The following TBRG4 variants were observed in gnomAD, a reference collection of about 807,000 sequenced individuals.
TBRG4 encodes the protein FAST kinase domain-containing protein 4.
Under a neutral mutation model 65.6 loss-of-function variants are expected in TBRG4, and 43 were observed. The ratio of observed to expected loss-of-function variants is 0.66; its 90% CI spans 0.51 to 0.85. The LOEUF (loss-of-function observed/expected upper bound fraction) is 0.85, where lower values mean the gene tolerates loss of function less well. Among genes scored for constraint, TBRG4 ranks in the 40% least tolerant of loss-of-function variants. The probability of loss-of-function intolerance (pLI) is 0.00; values close to 1 mark genes in which losing one functional copy is unlikely to be tolerated. For missense variants in TBRG4, 709 were observed against 787.9 expected, an observed-to-expected ratio of 0.90 and a Z score of 1.20; for synonymous variants, 366 against 341.4, an observed-to-expected ratio of 1.07 and a Z score of -0.79.
chr7:45,111,075 A>C (rs1373866231), intron 1 of TBRG4, among the ~76,000 whole-genome samples: 1 of 152,112 alleles, frequency 6.6e-6, no homozygotes, highest in Non-Finnish European at 1.5e-5. Context: ...TCCCGGATTC[A>C]AGCGATTCTC....
At chr7:45,103,922 C>T in intron 5 of TBRG4, 177 bp downstream of exon 5, 2 of 873,682 alleles carry the variant, frequency 2.3e-6, no homozygotes. Context: ...AGTTCTCAAA[C>T]ACTTTTTTGA....
chr7:45,105,805 T>C, intron 2 of TBRG4, 41 bp from the exon 3 acceptor site: 1 of 1,571,620 alleles, frequency 6.4e-7, no homozygotes, highest in East Asian at 2.3e-5. Flanking sequence ...TGTGGCACTG[T>C]CAGTCCTGTG....
Position 45,104,437 on chromosome 7 carries a change from A to T in TBRG4, c.907+101T>A, listed in dbSNP as rs1176274240. 1.9e-6 allele frequency: 3 copies of T among 1,592,642 alleles called. 1 individual carries two copies. In the South Asian group the frequency reaches 3.3e-5, roughly 18 times the overall value. ...TGTTTCTGTGGCAGCCTTCTGGGCC[A>T]GTGCCTACCATGCATAGGACAGGTA... is the stretch of plus-strand genomic sequence containing the variant. On this transcript the variant is annotated intron_variant, in intron 4 of 10. Coordinates refer to ENST00000258770, the MANE Select transcript of TBRG4 (RefSeq NM_004749.4).
intron 10 of TBRG4, among the ~76,000 whole-genome samples, chr7:45,101,024 C>T (rs1011267038): frequency 2.6e-5 from 4 of 152,246 alleles, no homozygotes; most frequent in Non-Finnish European, 4.4e-5. Context: ...GCTGAATAAG[C>T]AGGCTTGGTT....
Position 45,105,653 on chromosome 7 carries a change from G to A in TBRG4, c.523C>T (p.Arg175Cys), listed in dbSNP as rs750419470. 9 of 1,613,898 alleles carry A rather than the reference G, an allele frequency of 5.6e-6. No homozygotes were observed. The highest frequency in any genetic ancestry group is 3.3e-5 in the South Asian group (3 of 91,092). The stretch of plus-strand genomic sequence containing the variant: ...TGCTTGTACTTGAGCTTCCGCATGC[G>A]CCAGCGGACCTCCTGCTCCACCGAC... ...LQSVEQEVRW[R>C]MRKLKYKHLA... The change falls in exon 3 of 11, where the codon CGC becomes TGC. Residue 175 changes from arginine (R) to cysteine (C), a missense_variant. Physicochemically the swap from Arg to Cys is radical, Grantham distance 180. Transcript: ENST00000258770.
chr7:45,103,376 C>A lies in TBRG4; in HGVS notation c.1133G>T (p.Arg378Leu), dbSNP rs754602986. ...HLCSVLLAFA[R>L]LNFHPDQEDQ... is the part of the protein sequence containing the mutation. ...CTCTTGGTCTGGATGGAAGTTCAGA[C>A]GCGCAAAAGCCAGAAGTACGCTGCA... Residue 378 changes from arginine (R) to leucine (L), a missense_variant, in exon 6 of 11, where the codon CGT becomes CTT. Transcript: ENST00000258770. 1.2e-6 allele frequency: 2 copies of A among 1,613,996 alleles called. No individual in the cohort carries two copies. The highest frequency in any genetic ancestry group is 1.3e-5 in the African/African-American group (1 of 75,044).
chr7:45,104,398 C>A (rs1584028798), intron 4 of TBRG4, 140 bp downstream of exon 4: 1 of 1,562,540 alleles, frequency 6.4e-7, no homozygotes. Flanking sequence ...AGGAACAGGG[C>A]CCATGAGTCA....
chr7:45,101,725 A>G (rs1784771031), intron 8 of TBRG4, 100 bp downstream of exon 8: 1 of 1,595,836 alleles, frequency 6.3e-7, no homozygotes, highest in Non-Finnish European at 8.5e-7. Context: ...GACACCCTGC[A>G]GCTCCCTAGG....
intron 2 of TBRG4, 84 bp downstream of exon 2, chr7:45,108,743 T>G: frequency 8.5e-7 from 1 of 1,175,122 alleles, no homozygotes; most frequent in East Asian, 2.6e-5. Context: ...TGTCTATGCT[T>G]GGTAAGCACT....
rs1453934868 is a variant in TBRG4, at chr7:45,105,114, G to A, written c.735+327C>T. 21 of 659,842 alleles carry A rather than the reference G, an allele frequency of 3.2e-5. No individual in the cohort carries two copies. In the East Asian group the frequency reaches 5.8e-4, roughly 18 times the overall value. 40.9% of individuals were successfully genotyped at this position (659,842 alleles called of 1,614,324 possible). A position where few individuals can be genotyped will look rare whatever the true frequency, so the allele number is the denominator to read the frequency against. On this transcript the variant is annotated intron_variant, in intron 3 of 10. Coordinates refer to ENST00000258770, the MANE Select transcript of TBRG4 (RefSeq NM_004749.4). ...CAGAAGCCAGGCCTGGGCAGTAGCT[G>A]TGTTACTTCAGGAGCTGCCTGCCAT...
chr7:45,100,451 T>C (rs1031409611), intron 10 of TBRG4, 25 bp from the exon 11 acceptor site: 5 of 1,587,796 alleles, frequency 3.1e-6, no homozygotes, highest in Non-Finnish European at 3.5e-6. Context: ...GGGAGACAGG[T>C]CACATGGGCA....
rs770183738 is a variant in TBRG4 at position 45,101,574 on chromosome 7, G to A, written c.1608C>T (p.Pro536=). The change falls in exon 9 of 11, where the codon CCC becomes CCT. Residue 536 remains proline (P), a synonymous_variant. Coordinates refer to ENST00000258770, the MANE Select transcript of TBRG4 (RefSeq NM_004749.4). ...GGTGAGGTGCCACAAAGTCCCTTAC[G>A]GGCAGAAACTCGCCGTCACTGTCCA... The part of the protein sequence containing the change: ...VLLDSDGEFL[P]VRDFVAPHLA... 1.2e-5 allele frequency: 20 copies of A among 1,613,670 alleles called. No individual in the cohort carries two copies. The East Asian group carries it at 2.0e-4, about 16-fold the overall frequency.
In TBRG4 at chr7:45,105,421, C is replaced by T; in HGVS notation, c.735+20G>A. ...CCCAGGGGAGGCAGGCTGGGTGCCA[C>T]CTGCTTTCAGGCCCAGTACCTTGTC... On this transcript the variant is annotated intron_variant, in intron 3 of 10. Coordinates refer to ENST00000258770, the MANE Select transcript of TBRG4 (RefSeq NM_004749.4). The T allele has an allele frequency of 6.4e-7, 1 of 1,570,912 alleles. No homozygotes were observed. Among genetic ancestry groups the T allele is most frequent in the Middle Eastern group, 1.7e-4 (1 of 5,862 alleles).
intron 2 of TBRG4, among the ~76,000 whole-genome samples, chr7:45,107,965 G>A (rs3757573): frequency 0.38 from 57,944 of 152,110 alleles, 13,247 homozygotes; most frequent in African/African-American, 0.64. Context: ...AGTTCCATGA[G>A]ACATTAGTGA....
At chr7:45,103,244 T>C (rs1250350130) in intron 6 of TBRG4, 89 bp downstream of exon 6, 9 of 1,049,528 alleles carry the variant, frequency 8.6e-6, no homozygotes, top group African/African-American at 1.6e-5. Context: ...CGCCTCCACC[T>C]AGCCCGAGCT....
chr7:45,106,792 C>A (rs7781395), intron 2 of TBRG4: 80,124 of 152,040 alleles, frequency 0.53, 22,377 homozygotes, highest in African/African-American at 0.72. Flanking sequence ...CAAAACAAAA[C>A]ACACTGGCTT....
chr7:45,103,083 T>G, intron 6 of TBRG4: 1 of 540,752 alleles, frequency 1.8e-6, no homozygotes, highest in East Asian at 3.2e-5. Context: ...CAACAGGGCA[T>G]TAAAAGGAGC....
intron 3 of TBRG4, 171 bp from the exon 4 acceptor site, chr7:45,104,880 AC>A (rs770232127): frequency 9.6e-7 from 1 of 1,043,240 alleles, no homozygotes; most frequent in Non-Finnish European, 1.5e-6. Context: ...CTCCTCATCC[AC>A]CCCAGGGAAC....
At chr7:45,103,695 A>G in intron 5 of TBRG4, 1 of 547,306 alleles carries the variant, frequency 1.8e-6, no homozygotes, top group African/African-American at 1.9e-5. Flanking sequence ...GGGATTTAGA[A>G]ATATTCTCCA....
Sources: gnomAD v4.1 joint callset for allele counts (sites outside exome capture counted in the v4.1 genomes callset) on GRCh38, gnomAD v4.1.1 for gene constraint, MANE v1.5 for transcripts, NCBI Gene and HGNC (gene_info 2026-07-23, HGNC 2026-07-21) for gene names.